Variants in YJU2 observed in about 807,000 individuals in gnomAD.
The protein encoded by YJU2 is splicing factor YJU2.
Under a neutral mutation model 39.6 loss-of-function variants are expected in YJU2, and 28 were observed. The observed-to-expected ratio is 0.71, with a 90% confidence interval of 0.52 to 0.97. YJU2 has a LOEUF of 0.97. Among genes scored for constraint, YJU2 ranks in the 50% least tolerant of loss-of-function variants. YJU2 has a pLI of 0.00. For synonymous variants in YJU2, 184 were observed against 182.4 expected (o/e 1.01, Z -0.07); for missense variants, 328 against 430.4 (o/e 0.76, Z 2.11).
chr19:4,268,684 C>A lies in YJU2; in HGVS notation c.960C>A (p.Asn320Lys). ...LGAYLDSDDS[N>K]GSN ...CATACCTGGACAGTGACGACAGCAA[C>A]GGCAGCAACTGAGCCCTCCCAGGAC... The change falls in exon 8 of 8, where the codon AAC becomes AAA. Residue 320 changes from asparagine to lysine, a missense_variant. Coordinates refer to ENST00000262962, the MANE Select transcript of YJU2 (RefSeq NM_018074.6). The A allele has an allele frequency of 1.9e-6, 3 of 1,612,790 alleles. No homozygotes were observed. Among genetic ancestry groups the A allele is most frequent in the Non-Finnish European group, 1.7e-6 (2 of 1,179,142 alleles).
chr19:4,255,141 ATGAACCCGGGAGGCAGAGGTTGCAG>A (rs1971009286), intron 4 of YJU2, among the ~76,000 whole-genome samples: 1 of 150,606 alleles, frequency 6.6e-6, no homozygotes, highest in African/African-American at 2.4e-5. Flanking sequence ...GGAGAATTGC[ATGAACCCGGGAGGCAGAGGTTGCAG>A]TGAGCCGAGA....
intron 3 of YJU2, among the ~76,000 whole-genome samples, 199 bp downstream of exon 3, chr19:4,251,370 T>C (rs4807550): frequency 0.4 from 60,896 of 151,872 alleles, 13,963 homozygotes; most frequent in African/African-American, 0.63. Context: ...GCAACCTAGA[T>C]AGATAATAAT....
At position 4,247,090 on chromosome 19, in the gene YJU2, G is replaced by T. The variant is rs1013536367; in HGVS notation, c.-57G>T. The T allele has an allele frequency of 6.4e-7, 1 of 1,567,260 alleles. No homozygotes were observed. Among genetic ancestry groups the T allele is most frequent in the Non-Finnish European group, 8.8e-7 (1 of 1,137,296 alleles). ...AGTAAGGCTTCCGTCGGAAAAGCTCGATAATTACCCAGCCTAACCATTTCT... is the reference window on the plus strand; with the variant it reads ...AGTAAGGCTTCCGTCGGAAAAGCTCTATAATTACCCAGCCTAACCATTTCT... On this transcript the variant is annotated 5_prime_UTR_variant, in exon 1 of 8. Coordinates refer to ENST00000262962, the MANE Select transcript of YJU2 (RefSeq NM_018074.6).
At chr19:4,263,900 C>T (rs1971093003) in intron 6 of YJU2, among the ~76,000 whole-genome samples, 1 of 151,430 alleles carries the variant, frequency 6.6e-6, no homozygotes, top group African/African-American at 2.4e-5. Flanking sequence ...GCCTCAGCCA[C>T]TCTGGTTTGT....
intron 6 of YJU2, among the ~76,000 whole-genome samples, chr19:4,266,975 T>A (rs907107684): frequency 5.9e-5 from 9 of 152,098 alleles, no homozygotes; most frequent in Admixed American, 3.3e-4. Context: ...CCCAAAAAAA[T>A]TTTTTTAATA....
intron 5 of YJU2, among the ~76,000 whole-genome samples, chr19:4,259,858 A>G (rs1332361998): frequency 5.3e-5 from 8 of 151,990 alleles, no homozygotes; most frequent in African/African-American, 1.7e-4. Flanking sequence ...TCAGTGCCTG[A>G]TGGGTGTGCA....
chr19:4,259,273 G>A (rs948036918), intron 5 of YJU2, among the ~76,000 whole-genome samples: 1 of 151,780 alleles, frequency 6.6e-6, no homozygotes, highest in African/African-American at 2.4e-5. Context: ...TAGAGATGGG[G>A]TTTCACCGTG....
intron 5 of YJU2, among the ~76,000 whole-genome samples, chr19:4,260,353 G>A (rs1369091715): frequency 2.6e-5 from 4 of 152,084 alleles, no homozygotes; most frequent in African/African-American, 4.8e-5. Context: ...GCCTGAACCC[G>A]GGAGGCAGAG....
chr19:4,264,045 G>T (rs1433689465), intron 6 of YJU2, among the ~76,000 whole-genome samples: 1 of 151,682 alleles, frequency 6.6e-6, no homozygotes, highest in Non-Finnish European at 1.5e-5. Context: ...GGTGGATCAC[G>T]AGGTCAGGAG....
At chr19:4,255,093 G>A (rs1285102556) in intron 4 of YJU2, among the ~76,000 whole-genome samples, 5 of 145,758 alleles carry the variant, frequency 3.4e-5, no homozygotes, top group South Asian at 2.2e-4. Context: ...GCATGGTGGC[G>A]CATGCCTGTA....
At position 4,258,567 on chromosome 19, in the gene YJU2, T is replaced by C. The variant is rs1322403305; in HGVS notation, c.587+144T>C. 19 of 1,332,586 alleles carry C rather than the reference T, an allele frequency of 1.4e-5. No individual in the cohort carries two copies. The African/African-American group carries it at 2.5e-4, about 18-fold the overall frequency. The allele number at this position is 1,332,586 out of a possible 1,614,324, so 82.5% of individuals were successfully genotyped here. On this transcript the variant is annotated intron_variant, in intron 5 of 7. Coordinates refer to ENST00000262962, the MANE Select transcript of YJU2 (RefSeq NM_018074.6). ...CCACCGCCCATCTCACTTTCTCCCT[T>C]GTGGCGTCTCTCGAGGGGGTCCCAG...
At chr19:4,247,453 G>C (rs1281665442) in intron 1 of YJU2, 1 of 350,798 alleles carries the variant, frequency 2.9e-6, no homozygotes, top group Non-Finnish European at 5.2e-6. Context: ...TTTTTCTGGG[G>C]GCGGGGCTTC....
intron 3 of YJU2, 117 bp downstream of exon 3, chr19:4,251,288 T>C: frequency 1.9e-6 from 2 of 1,053,202 alleles, no homozygotes; most frequent in Non-Finnish European, 2.8e-6. Context: ...TTTCAGTTTA[T>C]CCCCAAGAAA....
At chr19:4,253,329 G>A (rs902481059) in intron 3 of YJU2, among the ~76,000 whole-genome samples, 4 of 152,048 alleles carry the variant, frequency 2.6e-5, no homozygotes, top group African/African-American at 9.7e-5. Flanking sequence ...TGTAATCCCG[G>A]CACTTTGGAG....
At chr19:4,250,939 C>T in intron 2 of YJU2, 88 bp from the exon 3 acceptor site, 1 of 1,450,894 alleles carries the variant, frequency 6.9e-7, no homozygotes, top group Non-Finnish European at 9.5e-7. Context: ...GGCAAGCAAG[C>T]AGTGATCTTG....
chr19:4,258,502 C>G, intron 5 of YJU2, 79 bp downstream of exon 5: 1 of 1,497,782 alleles, frequency 6.7e-7, no homozygotes, highest in Non-Finnish European at 8.9e-7. Context: ...CAGACCCTTT[C>G]CCCGCTCTCT....
At chr19:4,266,835 G>C (rs923341379) in intron 6 of YJU2, among the ~76,000 whole-genome samples, 13 of 152,034 alleles carry the variant, frequency 8.6e-5, no homozygotes, top group Non-Finnish European at 1.8e-4. Flanking sequence ...AAAAATGTTA[G>C]CCTGCCATGG....
At chr19:4,247,727 G>A (rs958790061) in intron 1 of YJU2, among the ~76,000 whole-genome samples, 2 of 147,376 alleles carry the variant, frequency 1.4e-5, no homozygotes, top group Non-Finnish European at 3.0e-5. Context: ...GTCTGGTCAT[G>A]CAGATAACCT....
chr19:4,258,507 C>A lies in YJU2; in HGVS notation c.587+84C>A. The A allele has an allele frequency of 2.7e-6, 4 of 1,484,852 alleles. No homozygotes were observed. In the South Asian group the frequency reaches 4.0e-5, roughly 15 times the overall value. The allele number at this position is 1,484,852 out of a possible 1,614,324, so 92.0% of individuals were successfully genotyped here. ...GCCTCTGCCCCAGACCCTTTCCCCG[C>A]TCTCTGGAGTGTCGCCTTTGCAAGG... On this transcript the variant is annotated intron_variant, in intron 5 of 7. Transcript: ENST00000262962.
Sources: gnomAD v4.1 joint callset for allele counts (sites outside exome capture counted in the v4.1 genomes callset) on GRCh38, gnomAD v4.1.1 for gene constraint, MANE v1.5 for transcripts, NCBI Gene and HGNC (gene_info 2026-07-23, HGNC 2026-07-21) for gene names.